The following FRMD4A variants were observed in gnomAD, a reference collection of about 807,000 sequenced individuals.
FRMD4A encodes the protein FERM domain containing 4A, also known as FERM domain-containing protein 4A.
FRMD4A carries 29 observed loss-of-function variants against 129.1 expected under a neutral mutation model. The ratio of observed to expected loss-of-function variants is 0.22; its 90% confidence interval spans 0.17 to 0.31. The LOEUF is 0.31. Ranked by LOEUF, FRMD4A falls within the 10% of genes least tolerant of loss-of-function variation. FRMD4A has a pLI of 1.00. For missense variants in FRMD4A, 1,272 were observed against 1,375.8 expected (o/e 0.92, Z 1.19); for synonymous variants, 634 against 571.6 (o/e 1.11, Z -1.56).
chr10:14,122,606 G>A (rs1306186807), intron 2 of FRMD4A, among the ~76,000 whole-genome samples: 1 of 151,476 alleles, frequency 6.6e-6, no homozygotes, highest in Non-Finnish European at 1.5e-5. Flanking sequence ...AAGTGGGGTG[G>A]GGGGTAGGGG....
chr10:13,789,159 C>T (rs1025453467), intron 5 of FRMD4A, among the ~76,000 whole-genome samples: 4 of 152,188 alleles, frequency 2.6e-5, no homozygotes, highest in African/African-American at 9.7e-5. Flanking sequence ...ATCTCAATGC[C>T]TCTAAAATCT....
intron 2 of FRMD4A, among the ~76,000 whole-genome samples, chr10:14,107,766 T>C (rs1837662582): frequency 6.6e-6 from 1 of 152,234 alleles, no homozygotes; most frequent in South Asian, 2.1e-4. Flanking sequence ...TGGTTGTACA[T>C]AGAAGAGTTG....
At chr10:13,886,270 A>G (rs1163519835) in intron 2 of FRMD4A, among the ~76,000 whole-genome samples, 1 of 151,882 alleles carries the variant, frequency 6.6e-6, no homozygotes, top group Admixed American at 6.6e-5. Context: ...AAGGACAAAG[A>G]AAGGCAAAAA....
At chr10:13,853,682 AAGT>A (rs781539229) in intron 3 of FRMD4A, among the ~76,000 whole-genome samples, 2 of 151,822 alleles carry the variant, frequency 1.3e-5, no homozygotes, top group Non-Finnish European at 2.9e-5. Flanking sequence ...AAAAATACAA[AAGT>A]AGCTGGGCAT....
At chr10:14,309,380 G>A (rs146767025) in intron 2 of FRMD4A, among the ~76,000 whole-genome samples, 301 of 152,214 alleles carry the variant, frequency 2.0e-3, no homozygotes, top group Middle Eastern at 0.014. Context: ...AGCCAAGGAG[G>A]TCGAGGCTGC....
At chr10:13,796,638 T>G (rs747526090) in intron 4 of FRMD4A, 50 bp from the exon 5 acceptor site, 18 of 939,094 alleles carry the variant, frequency 1.9e-5, no homozygotes, top group Non-Finnish European at 3.0e-5. Context: ...TTGCAGAAGT[T>G]TTTTTGGGGT....
chr10:14,271,058 A>G (rs2132046626), intron 2 of FRMD4A, among the ~76,000 whole-genome samples: 1 of 152,304 alleles, frequency 6.6e-6, no homozygotes, highest in East Asian at 1.9e-4. Context: ...CAAGTGTAAC[A>G]CATGGCGGGC....
At chr10:14,051,293 T>C (rs1355943151) in intron 2 of FRMD4A, among the ~76,000 whole-genome samples, 4 of 152,216 alleles carry the variant, frequency 2.6e-5, no homozygotes, top group Non-Finnish European at 5.9e-5. Context: ...CAGGTCATGC[T>C]TATATGCTCA....
At chr10:13,711,188 G>C (rs1415302862) in intron 12 of FRMD4A, among the ~76,000 whole-genome samples, 1 of 152,232 alleles carries the variant, frequency 6.6e-6, no homozygotes, top group Admixed American at 6.5e-5. Flanking sequence ...CCCAGGGCCG[G>C]GGTGCAGCTT....
chr10:14,181,446 G>C (rs903126050), intron 2 of FRMD4A, among the ~76,000 whole-genome samples: 1 of 152,272 alleles, frequency 6.6e-6, no homozygotes, highest in South Asian at 2.1e-4. Context: ...GCATCTGGGC[G>C]GAAGCAATGC....
intron 2 of FRMD4A, among the ~76,000 whole-genome samples, chr10:14,184,314 T>TTTTTTTTTTTTTTTTTTTC (rs1842009375): frequency 6.8e-6 from 1 of 147,880 alleles, no homozygotes. Context: ...TTTTTTTTTT[T>TTTTTTTTTTTTTTTTTTTC]AGTAGAGATG....
chr10:13,803,873 C>A (rs1319533451), intron 4 of FRMD4A, among the ~76,000 whole-genome samples: 3 of 152,206 alleles, frequency 2.0e-5, no homozygotes, highest in Non-Finnish European at 4.4e-5. Flanking sequence ...CCATCCTAAG[C>A]AAACAGTCTC....
intron 8 of FRMD4A, among the ~76,000 whole-genome samples, chr10:13,755,495 ACCGCTCC>A (rs1305313817): frequency 1.3e-5 from 2 of 152,192 alleles, no homozygotes; most frequent in African/African-American, 4.8e-5. Context: ...TTTGCCTCTA[ACCGCTCC>A]CCTGGGCACC....
intron 2 of FRMD4A, among the ~76,000 whole-genome samples, chr10:14,058,472 A>G (rs1834648759): frequency 6.6e-6 from 1 of 152,216 alleles, no homozygotes; most frequent in Admixed American, 6.5e-5. Context: ...AATGTAAATG[A>G]TGTTTTTTAA....
At chr10:14,077,315 A>C (rs1835672901) in intron 2 of FRMD4A, among the ~76,000 whole-genome samples, 1 of 152,228 alleles carries the variant, frequency 6.6e-6, no homozygotes, top group Non-Finnish European at 1.5e-5. Context: ...GGACTTGGCC[A>C]GTGGAAATTC....
At chr10:13,881,990 GGTGTGTGTGTGTGTGTGTGTGTGT>G (rs71388128) in intron 2 of FRMD4A, among the ~76,000 whole-genome samples, 844 of 15,628 alleles carry the variant, frequency 0.054, 16 homozygotes, top group African/African-American at 0.077. Context: ...GAGAGGCAAG[GGTGTGTGTGTGTGTGTGTGTGTGT>G]GTGTGTGTGT....
chr10:13,732,933 T>C (rs1166072327), intron 12 of FRMD4A, among the ~76,000 whole-genome samples: 1 of 152,174 alleles, frequency 6.6e-6, no homozygotes, highest in Admixed American at 6.5e-5. Context: ...TCAGAATCCC[T>C]GTGGGGCTTC....
At chr10:14,311,835 C>T (rs768856132) in intron 2 of FRMD4A, among the ~76,000 whole-genome samples, 9 of 152,246 alleles carry the variant, frequency 5.9e-5, no homozygotes, top group South Asian at 2.1e-4. Context: ...TGAGCACTTA[C>T]ATATTCCATT....
rs1247543373 is a variant in FRMD4A at position 14,125,367 on chromosome 10, C to T, written c.45+204691G>A. 3.3e-5 allele frequency among the ~76,000 whole-genome samples: 5 copies of T among 152,226 alleles called. No homozygotes were observed. In the East Asian group the frequency reaches 9.7e-4, roughly 29 times the overall value. On this transcript the variant is annotated intron_variant, in intron 2 of 24. Coordinates refer to ENST00000357447, the MANE Select transcript of FRMD4A (RefSeq NM_018027.5). Reference sequence around the variant, plus strand: ...GGAAGGGGGTGCGTGTATCCCTGCCCTCCTGAGTAGTACATTCACCCAAAG... The same window carrying T: ...GGAAGGGGGTGCGTGTATCCCTGCCTTCCTGAGTAGTACATTCACCCAAAG...
Sources: allele counts gnomAD v4.1 joint callset (sites outside exome capture counted in the v4.1 genomes callset), GRCh38; gene constraint gnomAD v4.1.1; transcripts MANE v1.5; gene names NCBI Gene and HGNC (gene_info 2026-07-23, HGNC 2026-07-21).